The following IGF1R variants were observed in gnomAD, a reference collection of about 807,000 sequenced individuals.
IGF1R encodes insulin like growth factor 1 receptor, also known as insulin-like growth factor 1 receptor.
In IGF1R, 44 loss-of-function variants were observed where a neutral mutation model predicts 144.6. The ratio of observed to expected loss-of-function variants is 0.30; its 90% confidence interval spans 0.24 to 0.39. The LOEUF (loss-of-function observed/expected upper bound fraction) is 0.39. Ranked by LOEUF, IGF1R falls within the 10% of genes least tolerant of loss-of-function variation. The pLI is 1.00. For missense variants in IGF1R, 1,355 were observed against 1,833.7 expected (o/e 0.74, Z 4.77); for synonymous variants, 795 against 722.8 (o/e 1.10, Z -1.60).
chr15:98,862,368 A>G (rs1040817644), intron 2 of IGF1R, among the ~76,000 whole-genome samples: 5 of 152,212 alleles, frequency 3.3e-5, no homozygotes, highest in African/African-American at 9.7e-5. Context: ...GCATCCTTCA[A>G]CCATCTTAAC....
chr15:98,721,929 T>G (rs1236082326), intron 2 of IGF1R, among the ~76,000 whole-genome samples: 1 of 152,152 alleles, frequency 6.6e-6, no homozygotes, highest in African/African-American at 2.4e-5. Flanking sequence ...CAGTCCACCA[T>G]CATTAAGGAA....
intron 19 of IGF1R, among the ~76,000 whole-genome samples, chr15:98,948,295 CA>C (rs545111161): frequency 8.4e-4 from 128 of 152,314 alleles, no homozygotes; most frequent in Non-Finnish European, 1.4e-3. Flanking sequence ...AAGCACAGAT[CA>C]GGGGCTTCCT....
chr15:98,945,585 G>A (rs938574870), intron 19 of IGF1R, among the ~76,000 whole-genome samples: 4 of 152,010 alleles, frequency 2.6e-5, no homozygotes, highest in African/African-American at 7.3e-5. Context: ...GTAAAATACC[G>A]GCTTTGAAAA....
rs758233609 is a variant in IGF1R, at chr15:98,962,299, A to G, written c.*4857A>G. 6 of 233,274 alleles carry G rather than the reference A, an allele frequency of 2.6e-5. No individual in the cohort carries two copies. Among genetic ancestry groups the G allele is most frequent in the Non-Finnish European group, 3.4e-5 (4 of 118,136 alleles). 14.5% of individuals were successfully genotyped at this position (233,274 alleles called of 1,614,324 possible). A position where few individuals can be genotyped will look rare whatever the true frequency, so the allele number is the denominator to read the frequency against. Reference sequence around the variant, plus strand: ...CCCATTCCAGCAGTCCCAGTTATGCATTTCAAGTTTGGGGTTTGTTCTTTT... The same window carrying G: ...CCCATTCCAGCAGTCCCAGTTATGCGTTTCAAGTTTGGGGTTTGTTCTTTT... On this transcript the variant is annotated 3_prime_UTR_variant, in exon 21 of 21. Transcript: ENST00000650285.
chr15:98,818,428 G>A (rs967229421), intron 2 of IGF1R, among the ~76,000 whole-genome samples: 3 of 152,170 alleles, frequency 2.0e-5, no homozygotes, highest in Non-Finnish European at 4.4e-5. Context: ...GTGGAGAAGG[G>A]GAGAAGGAGG....
chr15:98,708,794 C>T (rs572659101), intron 2 of IGF1R, among the ~76,000 whole-genome samples: 4 of 152,250 alleles, frequency 2.6e-5, no homozygotes, highest in South Asian at 4.1e-4. Context: ...ATTCTGTTTT[C>T]GTTCTTTTAT....
At chr15:98,871,668 A>G (rs748130047) in intron 2 of IGF1R, among the ~76,000 whole-genome samples, 4 of 152,250 alleles carry the variant, frequency 2.6e-5, no homozygotes, top group Non-Finnish European at 5.9e-5. Context: ...GCAGCAGCCA[A>G]GAGAAGAAGA....
At chr15:98,880,865 TA>T in intron 2 of IGF1R, 1 of 152,306 alleles carries the variant, frequency 6.6e-6, no homozygotes, top group South Asian at 2.1e-4. Context: ...GTAGGGCAAA[TA>T]TAACCATATG....
At chr15:98,700,616 A>G (rs1385407009) in intron 1 of IGF1R, among the ~76,000 whole-genome samples, 1 of 151,658 alleles carries the variant, frequency 6.6e-6, no homozygotes, top group African/African-American at 2.4e-5. Flanking sequence ...AGTGAAGTTG[A>G]CCTCCCACAC....
At chr15:98,878,974 C>T (rs968089654) in intron 2 of IGF1R, among the ~76,000 whole-genome samples, 7 of 151,670 alleles carry the variant, frequency 4.6e-5, no homozygotes, top group East Asian at 1.9e-4. Flanking sequence ...CTAGCCTGGG[C>T]GCCAGAGCAA....
At chr15:98,815,712 G>A (rs2141467392) in intron 2 of IGF1R, among the ~76,000 whole-genome samples, 1 of 152,284 alleles carries the variant, frequency 6.6e-6, no homozygotes, top group Non-Finnish European at 1.5e-5. Flanking sequence ...GTGTGTTGGA[G>A]TGTTTTCGAA....
chr15:98,650,005 T>C (rs2052310829), intron 1 of IGF1R, among the ~76,000 whole-genome samples: 2 of 151,970 alleles, frequency 1.3e-5, no homozygotes, highest in Non-Finnish European at 2.9e-5. Flanking sequence ...GGCTCCGCGG[T>C]TCCCGGGCCC....
intron 2 of IGF1R, among the ~76,000 whole-genome samples, chr15:98,733,812 G>A (rs948814644): frequency 1.3e-5 from 2 of 152,088 alleles, no homozygotes; most frequent in East Asian, 1.9e-4. Context: ...AGCTGTCTTC[G>A]GGAGGCAAAG....
At chr15:98,869,547 T>C (rs1362967872) in intron 2 of IGF1R, among the ~76,000 whole-genome samples, 1 of 151,902 alleles carries the variant, frequency 6.6e-6, no homozygotes, top group African/African-American at 2.4e-5. Flanking sequence ...GCGATTCTCC[T>C]GCCTCAGCCT....
At chr15:98,781,806 C>G (rs2055867393) in intron 2 of IGF1R, among the ~76,000 whole-genome samples, 1 of 152,080 alleles carries the variant, frequency 6.6e-6, no homozygotes, top group South Asian at 2.1e-4. Context: ...TATTTCCTGT[C>G]TTTGTAGACT....
intron 1 of IGF1R, among the ~76,000 whole-genome samples, chr15:98,672,154 C>T (rs2052909227): frequency 6.6e-6 from 1 of 152,054 alleles, no homozygotes; most frequent in Admixed American, 6.6e-5. Context: ...TCATTTTTGC[C>T]TGTAAAAGAA....
At chr15:98,765,575 C>T (rs1046274337) in intron 2 of IGF1R, among the ~76,000 whole-genome samples, 1 of 152,054 alleles carries the variant, frequency 6.6e-6, no homozygotes, top group Admixed American at 6.5e-5. Context: ...CTGCCCGCTT[C>T]AGCCTCCCAA....
At chr15:98,884,993 C>G (rs1366547947) in intron 2 of IGF1R, among the ~76,000 whole-genome samples, 4 of 152,150 alleles carry the variant, frequency 2.6e-5, no homozygotes, top group African/African-American at 4.8e-5. Context: ...CTGAGGTTGT[C>G]TTTGTTACCT....
chr15:98,886,941 T>C (rs1336694220), intron 2 of IGF1R, among the ~76,000 whole-genome samples: 1 of 152,176 alleles, frequency 6.6e-6, no homozygotes, highest in Non-Finnish European at 1.5e-5. Context: ...TTTATGCAGT[T>C]CGTCCTCTAA....
Sources: gnomAD v4.1 joint callset for allele counts (sites outside exome capture counted in the v4.1 genomes callset) on GRCh38, gnomAD v4.1.1 for gene constraint, MANE v1.5 for transcripts, NCBI Gene and HGNC (gene_info 2026-07-23, HGNC 2026-07-21) for gene names.